The following ALLC variants were observed in gnomAD, a reference collection of about 807,000 sequenced individuals.
The protein encoded by ALLC is probable inactive allantoicase.
A neutral mutation model predicts 45.0 loss-of-function variants in ALLC; 40 were observed. The observed-to-expected ratio is 0.89, with a 90% CI of 0.69 to 1.16. The LOEUF is 1.16. ALLC is among the 50% of genes most tolerant of loss of function. The pLI is 0.00. For missense variants in ALLC, 488 were observed against 493.1 expected (o/e 0.99, Z 0.10); for synonymous variants, 176 against 178.1 (o/e 0.99, Z 0.09).
chr2:3,669,672 A>G (rs940267414), intron 1 of ALLC, among the ~76,000 whole-genome samples: 13 of 152,102 alleles, frequency 8.5e-5, no homozygotes, highest in Non-Finnish European at 1.9e-4. Flanking sequence ...AAATAAAGAT[A>G]ATTCCATGTT....
At chr2:3,662,262 G>A (rs562237230) in intron 1 of ALLC, among the ~76,000 whole-genome samples, 16 of 152,318 alleles carry the variant, frequency 1.1e-4, no homozygotes, top group African/African-American at 3.6e-4. Context: ...GCTTCGTTAT[G>A]TCTGCAAATT....
rs79227272 is a variant in ALLC at position 3,696,373 on chromosome 2, T to C, written c.741+25T>C. The stretch of plus-strand genomic sequence containing the variant: ...AGTAAGAAGTTAAAAATAACTATGG[T>C]TTAAAGTTTTTCTTAAAAGTATTTT... On this transcript the variant is annotated intron_variant, in intron 9 of 11. Coordinates refer to ENST00000252505, the MANE Select transcript of ALLC (RefSeq NM_018436.4). 9.1e-5 allele frequency: 143 copies of C among 1,569,166 alleles called. No homozygotes were observed. The East Asian group carries it at 3.2e-3, about 35-fold the overall frequency.
intron 10 of ALLC, among the ~76,000 whole-genome samples, chr2:3,698,864 G>C (rs2148023816): frequency 6.6e-6 from 1 of 152,204 alleles, no homozygotes; most frequent in African/African-American, 2.4e-5. Context: ...TGCACTGGGT[G>C]AGTGGTTTTT....
intron 10 of ALLC, among the ~76,000 whole-genome samples, chr2:3,699,106 T>C (rs1395570012): frequency 6.6e-6 from 1 of 152,186 alleles, no homozygotes; most frequent in Non-Finnish European, 1.5e-5. Context: ...GGGGTTTTGG[T>C]GTACAGATTA....
At chr2:3,679,019 G>C (rs149407520) in intron 4 of ALLC, among the ~76,000 whole-genome samples, 1 of 152,104 alleles carries the variant, frequency 6.6e-6, no homozygotes, top group Non-Finnish European at 1.5e-5. Context: ...CACTGTACCC[G>C]CTGTCTTTTA....
upstream of ALLC, among the ~76,000 whole-genome samples, chr2:3,653,814 G>A (rs887057118): frequency 2.0e-5 from 3 of 152,108 alleles, no homozygotes; most frequent in East Asian, 3.8e-4. The surrounding 1 kb of genome is among the most constrained non-coding windows in gnomAD (Gnocchi z 4.1). Flanking sequence ...TATCTTTCCC[G>A]CTCCTGCTAC....
At chr2:3,673,004 A>G (rs1459532346) in intron 2 of ALLC, among the ~76,000 whole-genome samples, 1 of 105,006 alleles carries the variant, frequency 9.5e-6, no homozygotes, top group Non-Finnish European at 1.8e-5. Context: ...GCACAATGCC[A>G]GGGTGCTGGG....
the ALLC span, among the ~76,000 whole-genome samples, chr2:3,646,898 T>C: frequency 3.3e-5 from 5 of 151,932 alleles, no homozygotes; most frequent in African/African-American, 1.2e-4. Context: ...GGGATGCTGC[T>C]GTGTTTGTGT....
intron 10 of ALLC, among the ~76,000 whole-genome samples, chr2:3,699,049 T>C (rs1667756780): frequency 6.6e-6 from 1 of 152,206 alleles, no homozygotes; most frequent in Non-Finnish European, 1.5e-5. Context: ...TTATTTTAGG[T>C]TCAAGGGTAA....
At position 3,678,571 on chromosome 2, in the gene ALLC, C is replaced by T. The variant is rs764556912; in HGVS notation, c.172+16C>T. On this transcript the variant is annotated intron_variant, in intron 4 of 11. Coordinates refer to ENST00000252505, the MANE Select transcript of ALLC (RefSeq NM_018436.4). ...AGGATTCCAGGTAATAACAACGGTT[C>T]GTTCATCGAAGTGCAGCTGACACTG... 25 of 1,608,434 alleles carry T rather than the reference C, an allele frequency of 1.6e-5. No homozygotes were observed. Among genetic ancestry groups the T allele is most frequent in the Middle Eastern group, 1.6e-4 (1 of 6,066 alleles).
chr2:3,688,201 G>C (rs1400739405), intron 7 of ALLC: 1 of 170,876 alleles, frequency 5.9e-6, no homozygotes, highest in Non-Finnish European at 1.2e-5. Flanking sequence ...TCCAATGCCT[G>C]CTTCACCGCC....
At chr2:3,697,075 G>A (rs1020911885) in intron 9 of ALLC, among the ~76,000 whole-genome samples, 2 of 152,128 alleles carry the variant, frequency 1.3e-5, no homozygotes, top group African/African-American at 4.8e-5. Context: ...ATTGCTGCAC[G>A]TATAACATTT....
At chr2:3,689,497 A>G (rs775205708) in intron 7 of ALLC, among the ~76,000 whole-genome samples, 1 of 150,838 alleles carries the variant, frequency 6.6e-6, no homozygotes, top group Non-Finnish European at 1.5e-5. Context: ...TTTAATTTAC[A>G]TGTGTTTGTG....
the ALLC span, among the ~76,000 whole-genome samples, chr2:3,652,580 AT>A: frequency 0.066 from 6,150 of 92,582 alleles, 81 homozygotes; most frequent in African/African-American, 0.11. Flanking sequence ...AAACTTTGTG[AT>A]TTTTTTTTTT....
At chr2:3,697,562 C>T (rs2148022266) in intron 10 of ALLC, 106 bp downstream of exon 10, 2 of 811,980 alleles carry the variant, frequency 2.5e-6, no homozygotes, top group Non-Finnish European at 4.0e-6. Flanking sequence ...GTGTGGATTC[C>T]CCGTTTAAGC....
intron 7 of ALLC, chr2:3,688,927 C>A (rs1310477514): frequency 5.4e-6 from 1 of 184,362 alleles, no homozygotes; most frequent in African/African-American, 2.3e-5. Flanking sequence ...CTAAAAGCAG[C>A]CTTGGTGACC....
the ALLC span, among the ~76,000 whole-genome samples, chr2:3,646,956 A>T: frequency 6.6e-6 from 1 of 150,624 alleles, no homozygotes; most frequent in Middle Eastern, 3.5e-3. Flanking sequence ...TGAGCAGGTC[A>T]TCTCACTGAA....
the ALLC span, among the ~76,000 whole-genome samples, chr2:3,650,338 C>T: frequency 2.0e-5 from 3 of 152,220 alleles, 1 homozygote; most frequent in Admixed American, 2.0e-4. Flanking sequence ...CTCGGGGCAG[C>T]CAGGATTCCC....
Position 3,680,013 on chromosome 2 carries a change from T to C in ALLC, c.298+19T>C. ...GAAGAAGGTGCGTTAGGAACCACTG[T>C]CCCCAAAATGAGAATTATGGGTCAC... is the stretch of plus-strand genomic sequence containing the variant. On this transcript the variant is annotated intron_variant, in intron 5 of 11. Transcript: ENST00000252505. The surrounding 1 kb of genome is among the most constrained non-coding windows in gnomAD (Gnocchi z 4.0). The C allele has an allele frequency of 6.2e-7, 1 of 1,613,254 alleles. No individual in the cohort carries two copies. The highest frequency in any genetic ancestry group is 8.5e-7 in the Non-Finnish European group (1 of 1,179,360).
Sources: gnomAD v4.1 joint callset for allele counts (sites outside exome capture counted in the v4.1 genomes callset) on GRCh38, gnomAD v4.1.1 for gene constraint, Gnocchi (gnomAD v3.1) non-coding constraint, MANE v1.5 for transcripts, NCBI Gene and HGNC (gene_info 2026-07-23, HGNC 2026-07-21) for gene names.